Variants in LRP1B observed in about 807,000 individuals in gnomAD.
LRP1B encodes the protein low-density lipoprotein receptor-related protein 1B.
A neutral mutation model predicts 556.6 loss-of-function variants in LRP1B; 217 were observed. The ratio of observed to expected loss-of-function variants is 0.39; its 90% CI spans 0.35 to 0.44. The LOEUF is 0.44. LRP1B is among the 20% of genes least tolerant of loss of function. LRP1B has a pLI of 1.00. For synonymous variants in LRP1B, 2,047 were observed against 1,865.8 expected (o/e 1.10, Z -2.50); for missense variants, 5,053 against 5,620.8 (o/e 0.90, Z 3.23).
In LRP1B at chr2:140,799,081, T is replaced by C. The variant is rs370586338; in HGVS notation, c.5359+14576A>G. Reference sequence around the variant, plus strand: ...TAAAGTTTTTTTAAATAAACGCATATATATGATAAAAGCTGGAGCAGTCTA... The same window carrying C: ...TAAAGTTTTTTTAAATAAACGCATACATATGATAAAAGCTGGAGCAGTCTA... On this transcript the variant is annotated intron_variant, in intron 32 of 90. Transcript: ENST00000389484. Among the ~76,000 whole-genome samples, 74 of 152,286 alleles carry C rather than the reference T, an allele frequency of 4.9e-4. 1 individual carries two copies. The South Asian group carries it at 0.015, about 31-fold the overall frequency.
At chr2:140,321,617 TTTGGGGCTGA>T (rs1194396750) in intron 82 of LRP1B, among the ~76,000 whole-genome samples, 4 of 151,816 alleles carry the variant, frequency 2.6e-5, no homozygotes, top group African/African-American at 7.2e-5. Context: ...ATAAATGGAT[TTTGGGGCTGA>T]GTTGAAACCC....
chr2:142,003,407 A>AC (rs1702714635), intron 1 of LRP1B, among the ~76,000 whole-genome samples: 1 of 152,204 alleles, frequency 6.6e-6, no homozygotes, highest in African/African-American at 2.4e-5. Flanking sequence ...TGGGAAGAGA[A>AC]CAGTGCCTTT....
chr2:140,783,716 A>T (rs1459717979), intron 32 of LRP1B, among the ~76,000 whole-genome samples: 2 of 152,126 alleles, frequency 1.3e-5, no homozygotes, highest in Non-Finnish European at 1.5e-5. Flanking sequence ...GATTGATGCA[A>T]TTGAAAATAG....
intron 1 of LRP1B, among the ~76,000 whole-genome samples, chr2:142,119,114 C>T (rs759154924): frequency 6.6e-6 from 1 of 152,084 alleles, no homozygotes; most frequent in Non-Finnish European, 1.5e-5. Flanking sequence ...TTTATTTAGG[C>T]ATTTCTAAAA....
At chr2:140,538,225 G>A (rs1036545394) in intron 45 of LRP1B, among the ~76,000 whole-genome samples, 1 of 151,846 alleles carries the variant, frequency 6.6e-6, no homozygotes, top group African/African-American at 2.4e-5. Context: ...TATTTATTAT[G>A]TCAACCTTTA....
At chr2:141,930,742 T>C (rs980495700) in intron 1 of LRP1B, among the ~76,000 whole-genome samples, 8 of 152,018 alleles carry the variant, frequency 5.3e-5, no homozygotes, top group African/African-American at 1.9e-4. Context: ...GCTCATGGTA[T>C]TCTAAAAGCA....
chr2:141,227,874 T>C (rs1216673629), intron 6 of LRP1B, among the ~76,000 whole-genome samples: 1 of 152,180 alleles, frequency 6.6e-6, no homozygotes, highest in Non-Finnish European at 1.5e-5. Context: ...ATCACATTTA[T>C]TCTATCACAG....
At position 141,672,471 on chromosome 2, in the gene LRP1B, C is replaced by T. The variant is rs150401523; in HGVS notation, c.205+137808G>A. Among the ~76,000 whole-genome samples, 781 of 152,216 alleles carry T rather than the reference C, an allele frequency of 5.1e-3. 8 individuals are homozygous for T. The highest frequency in any genetic ancestry group is 8.0e-3 in the Non-Finnish European group (547 of 68,018). On this transcript the variant is annotated intron_variant, in intron 2 of 90. Transcript: ENST00000389484. Reference sequence around the variant, plus strand: ...TAGTCTTCAGAGCTCCTTCCTGAAACGGAGGTTACAAAGTCACACAAAACA... The same window carrying T: ...TAGTCTTCAGAGCTCCTTCCTGAAATGGAGGTTACAAAGTCACACAAAACA...
chr2:141,836,527 A>G (rs1697285183), intron 1 of LRP1B, among the ~76,000 whole-genome samples: 1 of 151,886 alleles, frequency 6.6e-6, no homozygotes, highest in South Asian at 2.1e-4. Flanking sequence ...GCTGCTAGAG[A>G]TAAAAAGAGC....
chr2:141,982,837 A>G (rs1036927510), intron 1 of LRP1B, among the ~76,000 whole-genome samples: 10 of 152,178 alleles, frequency 6.6e-5, no homozygotes, highest in Non-Finnish European at 1.3e-4. Context: ...AATAAAGTTT[A>G]TATTTAGAAC....
At chr2:140,876,828 T>C (rs2105174018) in intron 25 of LRP1B, among the ~76,000 whole-genome samples, 1 of 152,296 alleles carries the variant, frequency 6.6e-6, no homozygotes, top group Non-Finnish European at 1.5e-5. Context: ...TGCTGCACTG[T>C]ATACAAATAA....
chr2:141,647,138 G>A (rs931212924), intron 2 of LRP1B, among the ~76,000 whole-genome samples: 1 of 152,126 alleles, frequency 6.6e-6, no homozygotes, highest in African/African-American at 2.4e-5. Context: ...TACTGATTTT[G>A]TATCCTTGTC....
rs146939348 is a variant in LRP1B at position 140,971,172 on chromosome 2, A to T, written c.2887+10988T>A. Among the ~76,000 whole-genome samples, 831 of 152,330 alleles carry T rather than the reference A, an allele frequency of 5.5e-3. 5 individuals are homozygous for T. The highest frequency in any genetic ancestry group is 0.019 in the African/African-American group (796 of 41,570). ...GTAAAGTTAAGGATCTCAGTATGAGATCATCCTGGATTAAAGGTGGGCTTT... is the reference window on the plus strand; with the variant it reads ...GTAAAGTTAAGGATCTCAGTATGAGTTCATCCTGGATTAAAGGTGGGCTTT... On this transcript the variant is annotated intron_variant, in intron 18 of 90. Transcript: ENST00000389484.
intron 7 of LRP1B, among the ~76,000 whole-genome samples, chr2:141,099,508 T>C (rs1416514762): frequency 1.3e-5 from 2 of 152,172 alleles, no homozygotes; most frequent in African/African-American, 4.8e-5. Flanking sequence ...TTTACAACTT[T>C]TTGCCAAAGC....
At chr2:141,812,965 A>AT (rs1491481184) in intron 1 of LRP1B, among the ~76,000 whole-genome samples, 1 of 152,118 alleles carries the variant, frequency 6.6e-6, no homozygotes, top group African/African-American at 2.4e-5. Flanking sequence ...TCATGTGTAC[A>AT]TGTGTCTGTG....
At chr2:141,869,607 G>A (rs376528105) in intron 1 of LRP1B, among the ~76,000 whole-genome samples, 15 of 152,076 alleles carry the variant, frequency 9.9e-5, no homozygotes, top group African/African-American at 2.9e-4. Flanking sequence ...TCAGTTCTAT[G>A]TTCCAATTCT....
chr2:140,404,780 T>C (rs1684660885), intron 66 of LRP1B, among the ~76,000 whole-genome samples: 1 of 152,158 alleles, frequency 6.6e-6, no homozygotes, highest in Non-Finnish European at 1.5e-5. Flanking sequence ...CAGGAGTAGT[T>C]ATTCTTATAT....
intron 35 of LRP1B, among the ~76,000 whole-genome samples, chr2:140,741,041 CAT>C (rs1227475604): frequency 6.6e-6 from 1 of 152,136 alleles, no homozygotes; most frequent in Admixed American, 6.6e-5. Context: ...CATAAGAACA[CAT>C]GATGCTGCAA....
intron 1 of LRP1B, among the ~76,000 whole-genome samples, chr2:142,009,612 G>C (rs965671680): frequency 6.6e-6 from 1 of 152,064 alleles, no homozygotes; most frequent in Non-Finnish European, 1.5e-5. Context: ...AGCACACGCC[G>C]ATATATCTAA....
Sources: allele counts gnomAD v4.1 joint callset (sites outside exome capture counted in the v4.1 genomes callset), GRCh38; gene constraint gnomAD v4.1.1; transcripts MANE v1.5; gene names NCBI Gene and HGNC (gene_info 2026-07-23, HGNC 2026-07-21).